The following AGAP1 variants were observed in gnomAD, a reference collection of about 807,000 sequenced individuals.
The protein encoded by AGAP1 is arf-GAP with GTPase, ANK repeat and PH domain-containing protein 1.
AGAP1 carries 29 observed loss-of-function variants against 105.3 expected under a neutral mutation model. That is an observed-to-expected ratio of 0.28 (90% confidence interval 0.21 to 0.38). AGAP1 has a LOEUF of 0.38. Among genes scored for constraint, AGAP1 ranks in the 10% least tolerant of loss-of-function variants. AGAP1 has a pLI of 1.00. For missense variants in AGAP1, 998 were observed against 1,165.1 expected (o/e 0.86, Z 2.09); for synonymous variants, 509 against 485.9 (o/e 1.05, Z -0.63).
intron 10 of AGAP1, among the ~76,000 whole-genome samples, chr2:235,885,324 A>G (rs568336933): frequency 1.3e-5 from 2 of 152,330 alleles, no homozygotes; most frequent in Admixed American, 1.3e-4. Flanking sequence ...CACTGTGTGG[A>G]TGTGCCTTCA....
chr2:235,848,661 G>C (rs1009015013), intron 9 of AGAP1, among the ~76,000 whole-genome samples: 2 of 152,186 alleles, frequency 1.3e-5, no homozygotes, highest in Non-Finnish European at 2.9e-5. Flanking sequence ...AAACCCTGCT[G>C]TGTGTGTTGA....
chr2:235,533,949 T>C (rs956664545), intron 1 of AGAP1, among the ~76,000 whole-genome samples: 1 of 152,244 alleles, frequency 6.6e-6, no homozygotes, highest in Non-Finnish European at 1.5e-5. Context: ...ACCAAACCAA[T>C]ACTTCATCCA....
At position 235,620,078 on chromosome 2, in the gene AGAP1, G is replaced by A. The variant is rs1408027942; in HGVS notation, c.164-89101G>A. Among the ~76,000 whole-genome samples the A allele has an allele frequency of 6.6e-6, 1 of 152,126 alleles. No individual in the cohort carries two copies. The highest frequency in any genetic ancestry group is 2.4e-5 in the African/African-American group (1 of 41,436). ...CTGCAGCACCTGCCCTCGGCCCCCAGGGACCTTCTTTGTCACAGCTGAAGC... is the reference window on the plus strand; with the variant it reads ...CTGCAGCACCTGCCCTCGGCCCCCAAGGACCTTCTTTGTCACAGCTGAAGC... On this transcript the variant is annotated intron_variant, in intron 1 of 17. Coordinates refer to ENST00000304032, the MANE Select transcript of AGAP1 (RefSeq NM_001037131.3). The surrounding 1 kb of genome is among the most constrained non-coding windows in gnomAD (Gnocchi z 4.5).
At chr2:235,688,603 A>T (rs1010029914) in intron 1 of AGAP1, among the ~76,000 whole-genome samples, 1 of 152,064 alleles carries the variant, frequency 6.6e-6, no homozygotes, top group Non-Finnish European at 1.5e-5. Context: ...CCACATCTCC[A>T]GTTATAGGTG....
At chr2:236,060,368 G>T (rs923675513) in intron 16 of AGAP1, among the ~76,000 whole-genome samples, 1 of 152,178 alleles carries the variant, frequency 6.6e-6, no homozygotes, top group African/African-American at 2.4e-5. Context: ...TAAATATCCA[G>T]TAGGGATCTG....
Position 236,045,859 on chromosome 2 carries a change from C to T in AGAP1, c.1892-3200C>T, listed in dbSNP as rs2057700348. ...GGTTCTCCCCTCAGTCAGCCCCAGC[C>T]TTACCTGTCTCTAAGCAGAGGGTGG... On this transcript the variant is annotated intron_variant, in intron 15 of 17. Coordinates refer to ENST00000304032, the MANE Select transcript of AGAP1 (RefSeq NM_001037131.3). This position sits in a 1 kb window ranked among gnomAD's most constrained non-coding sequence, Gnocchi z 6.9. 1.1e-4 allele frequency: 47 copies of T among 442,222 alleles called. 2 individuals are homozygous for T. The highest frequency in any genetic ancestry group is 7.7e-4 in the South Asian group (47 of 60,986). The allele number at this position is 442,222 out of a possible 1,614,324, so 27.4% of individuals were successfully genotyped here.
intron 11 of AGAP1, among the ~76,000 whole-genome samples, chr2:235,909,261 T>C (rs2051459740): frequency 6.6e-6 from 1 of 152,246 alleles, no homozygotes; most frequent in Non-Finnish European, 1.5e-5. Flanking sequence ...GATAACTGTA[T>C]GTATGAAAGT....
chr2:236,103,994 C>A (rs2059423897), intron 16 of AGAP1, among the ~76,000 whole-genome samples: 1 of 152,252 alleles, frequency 6.6e-6, no homozygotes, highest in Non-Finnish European at 1.5e-5. Context: ...CTTACTATGT[C>A]CCTGAGATGT....
At chr2:236,048,638 C>T (rs1049766207) in intron 15 of AGAP1, among the ~76,000 whole-genome samples, 3 of 152,214 alleles carry the variant, frequency 2.0e-5, no homozygotes, top group Non-Finnish European at 2.9e-5. Context: ...ACCAGAGTCA[C>T]GGTGTCACCC....
intron 11 of AGAP1, among the ~76,000 whole-genome samples, chr2:235,925,362 C>T (rs779999341): frequency 6.6e-6 from 1 of 152,154 alleles, no homozygotes; most frequent in Non-Finnish European, 1.5e-5. Flanking sequence ...TCATATCTTA[C>T]TCCTTAGACA....
rs893947567 is a variant in AGAP1, at chr2:235,714,986, A to G, written c.223-2571A>G. Reference sequence around the variant, plus strand: ...TTATTTTTTTGTAGTTTTAGTAGAGATGGGATTTCACCGTGTTAGCCAGGA... The same window carrying G: ...TTATTTTTTTGTAGTTTTAGTAGAGGTGGGATTTCACCGTGTTAGCCAGGA... On this transcript the variant is annotated intron_variant, in intron 2 of 17. Transcript: ENST00000304032. The surrounding 1 kb of genome is among the most constrained non-coding windows in gnomAD (Gnocchi z 4.1). Among the ~76,000 whole-genome samples the G allele has an allele frequency of 6.6e-6, 1 of 151,954 alleles. No individual in the cohort carries two copies. The highest frequency in any genetic ancestry group is 1.5e-5 in the Non-Finnish European group (1 of 67,978).
Position 235,961,760 on chromosome 2 carries a change from A to G in AGAP1, c.1484-6702A>G, listed in dbSNP as rs1299241949. On this transcript the variant is annotated intron_variant, in intron 12 of 17. Transcript: ENST00000304032. The surrounding 1 kb of genome is among the most constrained non-coding windows in gnomAD (Gnocchi z 5.9). ...CGTCTCTACTAAAAATACGAAAATT[A>G]GCTGGGCGTGGTGCAGGAGAATCTC... Among the ~76,000 whole-genome samples the G allele has an allele frequency of 6.6e-6, 1 of 152,188 alleles. No individual in the cohort carries two copies. Among genetic ancestry groups the G allele is most frequent in the Non-Finnish European group, 1.5e-5 (1 of 68,030 alleles).
In AGAP1 at chr2:235,741,776, G is replaced by A. The variant is rs925767172; in HGVS notation, c.396+728G>A. 6.8e-6 allele frequency among the ~76,000 whole-genome samples: 1 copy of A among 146,388 alleles called. No homozygotes were observed. Among genetic ancestry groups the A allele is most frequent in the African/African-American group, 2.5e-5 (1 of 39,504 alleles). Reference sequence around the variant, plus strand: ...TTATTTATTTATTTTTTTTTTTTGAGACAGTCTCGCTCTGTTACCCAGGCT... The same window carrying A: ...TTATTTATTTATTTTTTTTTTTTGAAACAGTCTCGCTCTGTTACCCAGGCT... On this transcript the variant is annotated intron_variant, in intron 4 of 17. Transcript: ENST00000304032. The surrounding 1 kb of genome is among the most constrained non-coding windows in gnomAD (Gnocchi z 4.9).
chr2:235,686,335 A>G lies in AGAP1; in HGVS notation c.164-22844A>G, dbSNP rs549662137. Among the ~76,000 whole-genome samples, 70 of 152,000 alleles carry G rather than the reference A, an allele frequency of 4.6e-4. 1 individual carries two copies. In the South Asian group the frequency reaches 0.015, roughly 32 times the overall value. ...ATGGTGGATGTGCTTTAGTGATAGA[A>G]TTTGTTCAGGAGATTATCTTTGTTC... On this transcript the variant is annotated intron_variant, in intron 1 of 17. Transcript: ENST00000304032.
At chr2:235,704,067 C>T (rs563458462) in intron 1 of AGAP1, among the ~76,000 whole-genome samples, 1 of 152,306 alleles carries the variant, frequency 6.6e-6, no homozygotes, top group Admixed American at 6.5e-5. Context: ...CTCCCTGACC[C>T]CTCACACCCA....
chr2:235,890,602 T>C (rs907894010), intron 10 of AGAP1, among the ~76,000 whole-genome samples: 1 of 152,222 alleles, frequency 6.6e-6, no homozygotes, highest in African/African-American at 2.4e-5. Context: ...CTGCCCAGCC[T>C]GTCCAGGAGC....
intron 16 of AGAP1, among the ~76,000 whole-genome samples, chr2:236,054,700 C>T (rs2058003900): frequency 6.6e-6 from 1 of 152,172 alleles, no homozygotes; most frequent in East Asian, 1.9e-4. Context: ...GGATGATTTC[C>T]TTTATTATCC....
At chr2:235,510,591 G>A (rs1559211652) in intron 1 of AGAP1, among the ~76,000 whole-genome samples, 1 of 152,072 alleles carries the variant, frequency 6.6e-6, no homozygotes, top group Non-Finnish European at 1.5e-5. Flanking sequence ...AGATGTGCTG[G>A]GTATATAATT....
intron 1 of AGAP1, among the ~76,000 whole-genome samples, chr2:235,686,556 TACACACACAC>T (rs10700794): frequency 4.9e-5 from 5 of 101,826 alleles, no homozygotes; most frequent in African/African-American, 8.2e-5. Context: ...GATATATATA[TACACACACAC>T]ACACACACAC....
Sources: gnomAD v4.1 joint callset for allele counts (sites outside exome capture counted in the v4.1 genomes callset) on GRCh38, gnomAD v4.1.1 for gene constraint, Gnocchi (gnomAD v3.1) non-coding constraint, MANE v1.5 for transcripts, NCBI Gene and HGNC (gene_info 2026-07-23, HGNC 2026-07-21) for gene names.